The following PLCB4 variants were observed in gnomAD, a reference collection of about 807,000 sequenced individuals.
PLCB4 encodes the protein 1-phosphatidylinositol 4,5-bisphosphate phosphodiesterase beta-4.
PLCB4 carries 77 observed loss-of-function variants against 178.8 expected under a neutral mutation model. That is an observed-to-expected ratio of 0.43 (90% CI 0.36 to 0.52). The LOEUF is 0.52. Among genes scored for constraint, PLCB4 ranks in the 20% least tolerant of loss-of-function variants. The pLI is 0.00. For missense variants in PLCB4, 1,024 were observed against 1,453.4 expected, an observed-to-expected ratio of 0.70 and a Z score of 4.80; for synonymous variants, 496 against 490.8, an observed-to-expected ratio of 1.01 and a Z score of -0.14.
chr20:9,401,308 T>A (rs148911207), intron 19 of PLCB4, among the ~76,000 whole-genome samples, 182 bp from the exon 20 acceptor site: 319 of 152,284 alleles, frequency 2.1e-3, no homozygotes, highest in African/African-American at 7.4e-3. Flanking sequence ...CTCCTTGACG[T>A]TGAATAGGTA....
chr20:9,261,396 A>G (rs940228772), intron 3 of PLCB4, among the ~76,000 whole-genome samples: 4 of 152,174 alleles, frequency 2.6e-5, no homozygotes, highest in African/African-American at 9.7e-5. Flanking sequence ...TGTTGTATTT[A>G]TTTCTAGAAT....
chr20:9,315,003 C>G (rs1223022525), intron 4 of PLCB4, among the ~76,000 whole-genome samples: 1 of 152,054 alleles, frequency 6.6e-6, no homozygotes, highest in Non-Finnish European at 1.5e-5. Flanking sequence ...TCCCAAGTAT[C>G]TGGGATTACA....
At chr20:9,279,883 G>C (rs569944705) in intron 3 of PLCB4, among the ~76,000 whole-genome samples, 1 of 151,944 alleles carries the variant, frequency 6.6e-6, no homozygotes, top group Non-Finnish European at 1.5e-5. Context: ...ACCTACCCAC[G>C]TTATGAAAAT....
intron 3 of PLCB4, among the ~76,000 whole-genome samples, chr20:9,275,696 A>G (rs928487847): frequency 6.6e-6 from 1 of 152,058 alleles, no homozygotes; most frequent in African/African-American, 2.4e-5. Context: ...TACTGAAAAT[A>G]TGGCCCATGG....
intron 25 of PLCB4, among the ~76,000 whole-genome samples, chr20:9,414,792 CA>C (rs1261889771): frequency 1.3e-5 from 2 of 152,168 alleles, no homozygotes. Context: ...TCCCTAATTG[CA>C]AATGAAACAA....
At chr20:9,091,256 T>C (rs1436903602) in intron 1 of PLCB4, among the ~76,000 whole-genome samples, 2 of 152,084 alleles carry the variant, frequency 1.3e-5, no homozygotes, top group East Asian at 3.9e-4. Context: ...AGAGCCTTTA[T>C]AAGTCTCGAC....
At chr20:9,398,168 G>C (rs1418633630) in intron 19 of PLCB4, among the ~76,000 whole-genome samples, 1 of 152,174 alleles carries the variant, frequency 6.6e-6, no homozygotes, top group Non-Finnish European at 1.5e-5. Context: ...AATTAGTTAA[G>C]AGCTAGGCCT....
At chr20:9,436,863 T>A in intron 29 of PLCB4, 139 bp from the exon 30 acceptor site, 1 of 735,436 alleles carries the variant, frequency 1.4e-6, no homozygotes, top group Non-Finnish European at 2.2e-6. Flanking sequence ...TTTCCTTGGC[T>A]GGATCCTTTG....
intron 3 of PLCB4, among the ~76,000 whole-genome samples, chr20:9,227,744 A>G (rs1348575452): frequency 6.6e-6 from 1 of 152,122 alleles, no homozygotes; most frequent in Admixed American, 6.6e-5. Context: ...TAAGTTTTGA[A>G]TTCAGGAAAT....
At chr20:9,429,412 T>TC (rs1324930115) in intron 28 of PLCB4, among the ~76,000 whole-genome samples, 1 of 152,112 alleles carries the variant, frequency 6.6e-6, no homozygotes, top group African/African-American at 2.4e-5. Flanking sequence ...GCCACAGTAT[T>TC]CCCCAATAAA....
chr20:9,210,264 C>G (rs1169253366), intron 2 of PLCB4, among the ~76,000 whole-genome samples: 4 of 152,104 alleles, frequency 2.6e-5, no homozygotes, highest in African/African-American at 9.7e-5. Context: ...CAGTAAATGA[C>G]AGATAGAGGT....
At chr20:9,209,574 A>G (rs2093650449) in intron 2 of PLCB4, among the ~76,000 whole-genome samples, 1 of 152,198 alleles carries the variant, frequency 6.6e-6, no homozygotes, top group Admixed American at 6.6e-5. Flanking sequence ...GAGATTCTCC[A>G]TGACTGGCTT....
intron 11 of PLCB4, 65 bp downstream of exon 11, chr20:9,372,468 C>T (rs773185393): frequency 1.5e-4 from 115 of 779,354 alleles, no homozygotes; most frequent in African/African-American, 7.2e-4. Context: ...TTTTTTAAAA[C>T]GTTTTTGTCC....
At chr20:9,236,943 AG>A (rs1452477571) in intron 3 of PLCB4, among the ~76,000 whole-genome samples, 1 of 152,212 alleles carries the variant, frequency 6.6e-6, no homozygotes, top group Non-Finnish European at 1.5e-5. Flanking sequence ...TTGAACACAT[AG>A]GACATCATGA....
chr20:9,240,960 G>T (rs954603083), intron 3 of PLCB4, among the ~76,000 whole-genome samples: 4 of 152,216 alleles, frequency 2.6e-5, no homozygotes, highest in African/African-American at 9.6e-5. Flanking sequence ...GATCTCAATT[G>T]TTTGATTTGC....
intron 2 of PLCB4, among the ~76,000 whole-genome samples, chr20:9,132,572 T>C (rs1016541054): frequency 4.6e-5 from 7 of 152,202 alleles, no homozygotes; most frequent in Admixed American, 2.0e-4. Context: ...TTCATAAGCC[T>C]GGTGAATAAA....
At chr20:9,276,322 T>G (rs2094450214) in intron 3 of PLCB4, among the ~76,000 whole-genome samples, 1 of 151,958 alleles carries the variant, frequency 6.6e-6, no homozygotes, top group Non-Finnish European at 1.5e-5. Flanking sequence ...CCTGGGAGGA[T>G]ATTTTATGGG....
In PLCB4 at chr20:9,384,172, GT is replaced by G. The variant is rs2037383548; in HGVS notation, c.854-28del. 2.0e-6 allele frequency: 3 copies of G among 1,495,996 alleles called. No homozygotes were observed. The South Asian group carries it at 3.4e-5, about 17-fold the overall frequency. 92.7% of individuals were successfully genotyped at this position (1,495,996 alleles called of 1,614,324 possible). On this transcript the variant is annotated intron_variant, in intron 13 of 39. Transcript: ENST00000378473. ...GAGATATGCATCTTCAGAGCTACAA[GT>G]GCTACTAAGATGTTCTTTTTCCCCT... is the stretch of plus-strand genomic sequence containing the variant.
intron 38 of PLCB4, among the ~76,000 whole-genome samples, chr20:9,474,977 C>T (rs2044447527): frequency 6.6e-6 from 1 of 152,194 alleles, no homozygotes; most frequent in African/African-American, 2.4e-5. Flanking sequence ...TAAAGCACTT[C>T]TCAGAAAGTG....
Sources: gnomAD v4.1 joint callset for allele counts (sites outside exome capture counted in the v4.1 genomes callset) on GRCh38, gnomAD v4.1.1 for gene constraint, MANE v1.5 for transcripts, NCBI Gene and HGNC (gene_info 2026-07-23, HGNC 2026-07-21) for gene names.